Variants in CXADR observed in about 807,000 individuals in gnomAD.
CXADR encodes coxsackievirus and adenovirus receptor.
CXADR carries 20 observed loss-of-function variants against 40.3 expected under a neutral mutation model. The ratio of observed to expected loss-of-function variants is 0.50; its 90% CI spans 0.35 to 0.72. The LOEUF (loss-of-function observed/expected upper bound fraction) is 0.72, where lower values mean the gene tolerates loss of function less well. Among genes scored for constraint, CXADR ranks in the 30% least tolerant of loss-of-function variants. The pLI is 0.01. For missense variants in CXADR, 332 were observed against 449.1 expected (o/e 0.74, Z 2.36); for synonymous variants, 150 against 161.3 (o/e 0.93, Z 0.53).
intron 1 of CXADR, among the ~76,000 whole-genome samples, chr21:17,522,044 G>GTC (rs539781275): frequency 2.6e-5 from 4 of 151,942 alleles, no homozygotes; most frequent in East Asian, 1.9e-4. Context: ...TTGAGACAGT[G>GTC]TCTCTCTCTC....
chr21:17,554,268 A>G (rs1159318504), intron 3 of CXADR, among the ~76,000 whole-genome samples: 4 of 122,950 alleles, frequency 3.3e-5, no homozygotes. Context: ...ACATGTCCCA[A>G]AAAGGAACCT....
chr21:17,586,143 C>T (rs1016902454), intron 7 of CXADR, among the ~76,000 whole-genome samples: 1 of 151,990 alleles, frequency 6.6e-6, no homozygotes, highest in Non-Finnish European at 1.5e-5. Flanking sequence ...ATAGTTCCCT[C>T]GTCATTAGTG....
At chr21:17,543,232 A>T (rs1302151430) in intron 1 of CXADR, among the ~76,000 whole-genome samples, 1 of 152,244 alleles carries the variant, frequency 6.6e-6, no homozygotes, top group East Asian at 1.9e-4. Context: ...ACAATTTGAC[A>T]TATATCTTTT....
At chr21:17,603,792 A>C in the CXADR span, among the ~76,000 whole-genome samples, 3 of 152,124 alleles carry the variant, frequency 2.0e-5, no homozygotes, top group African/African-American at 7.2e-5. Context: ...CTCCCAGCTC[A>C]AGTATCACCT....
the CXADR span, among the ~76,000 whole-genome samples, chr21:17,603,476 T>C: frequency 6.6e-6 from 1 of 152,082 alleles, no homozygotes; most frequent in African/African-American, 2.4e-5. Context: ...TGACAAAATT[T>C]AATGGAAGAA....
the CXADR span, chr21:17,598,669 T>A: frequency 6.2e-7 from 1 of 1,614,038 alleles, no homozygotes; most frequent in Non-Finnish European, 8.5e-7. Context: ...CACTTCCATT[T>A]CCTTACTTGT....
At chr21:17,611,085 A>G in the CXADR span, among the ~76,000 whole-genome samples, 2 of 152,248 alleles carry the variant, frequency 1.3e-5, no homozygotes, top group Non-Finnish European at 2.9e-5. Flanking sequence ...ACACGTATAC[A>G]TAACCCCAGC....
At chr21:17,535,285 C>A (rs1048288879) in intron 1 of CXADR, among the ~76,000 whole-genome samples, 1 of 152,094 alleles carries the variant, frequency 6.6e-6, no homozygotes, top group African/African-American at 2.4e-5. Context: ...CACTACCACA[C>A]CTGGCTCATG....
At chr21:17,585,868 T>C (rs1192393055) in intron 7 of CXADR, among the ~76,000 whole-genome samples, 4 of 152,190 alleles carry the variant, frequency 2.6e-5, no homozygotes, top group Non-Finnish European at 5.9e-5. Flanking sequence ...AGAAAAATAA[T>C]TATAGTAAAG....
the CXADR span, among the ~76,000 whole-genome samples, chr21:17,633,657 G>T: frequency 6.6e-6 from 1 of 152,196 alleles, no homozygotes. Context: ...TAATTAGACA[G>T]CCTTTGTTCA....
chr21:17,623,849 C>A, the CXADR span, among the ~76,000 whole-genome samples: 1 of 152,148 alleles, frequency 6.6e-6, no homozygotes, highest in East Asian at 1.9e-4. Context: ...CTTGATTCAA[C>A]CTAATTTTCA....
At chr21:17,604,723 T>C in the CXADR span, 1 of 1,096,486 alleles carries the variant, frequency 9.1e-7, no homozygotes, top group Non-Finnish European at 1.2e-6. Context: ...GAAAAGTATT[T>C]CATAAAATTT....
At chr21:17,598,881 T>C in the CXADR span, 6 of 1,416,618 alleles carry the variant, frequency 4.2e-6, no homozygotes, top group Middle Eastern at 2.4e-4. Flanking sequence ...AAGCAAAAAA[T>C]GTCCATAAAA....
the CXADR span, among the ~76,000 whole-genome samples, chr21:17,632,732 G>T: frequency 2.8e-4 from 43 of 152,264 alleles, no homozygotes; most frequent in East Asian, 9.7e-4. Flanking sequence ...AGCCGGGCGT[G>T]GGGGCAGGCG....
intron 7 of CXADR, among the ~76,000 whole-genome samples, chr21:17,576,134 A>G (rs1047663645): frequency 3.3e-5 from 5 of 152,102 alleles, no homozygotes; most frequent in African/African-American, 4.8e-5. Context: ...AGGAGGAAAA[A>G]GAAACATGCC....
At position 17,569,787 on chromosome 21, in the gene CXADR, T is replaced by C. The variant is rs111336887; in HGVS notation, c.*4095T>C. Reference sequence around the variant, plus strand: ...ACTAAAAGCTCCATCAAAACAGAACTTTGTGTTTTCTGCTAACTTATTTAA... The same window carrying C: ...ACTAAAAGCTCCATCAAAACAGAACCTTGTGTTTTCTGCTAACTTATTTAA... On this transcript the variant is annotated 3_prime_UTR_variant, in exon 7 of 7. Coordinates refer to ENST00000284878, the MANE Select transcript of CXADR (RefSeq NM_001338.5). 2,987 of 985,262 alleles carry C rather than the reference T, an allele frequency of 3.0e-3. 49 individuals are homozygous for C. The African/African-American group carries it at 0.042, about 14-fold the overall frequency. The allele number at this position is 985,262 out of a possible 1,614,324, so 61.0% of individuals were successfully genotyped here.
chr21:17,570,170 C>T (rs1174015093), downstream of CXADR: 5 of 985,158 alleles, frequency 5.1e-6, no homozygotes, highest in African/African-American at 1.7e-5. Context: ...TATTTTATTC[C>T]TCCCTGCTTG....
At chr21:17,594,191 T>C, downstream of CXADR, 1 of 1,613,344 alleles carries the variant, frequency 6.2e-7, no homozygotes, top group Non-Finnish European at 8.5e-7. Context: ...CGATATGGTT[T>C]ATTTTTTCTT....
At position 17,566,159 on chromosome 21, in the gene CXADR, ATTAC is replaced by A. The variant is rs1301535557; in HGVS notation, c.*472_*475del. On this transcript the variant is annotated 3_prime_UTR_variant, in exon 7 of 7. Coordinates refer to ENST00000284878, the MANE Select transcript of CXADR (RefSeq NM_001338.5). ...TTAGTACAGAAATATCCATGACAAAATTACTTACGTATGTTTGTACTTGGTTTTA... is the reference window on the plus strand; with the variant it reads ...TTAGTACAGAAATATCCATGACAAAATTACGTATGTTTGTACTTGGTTTTA... The A allele has an allele frequency of 3.0e-6, 3 of 984,502 alleles. No homozygotes were observed. The highest frequency in any genetic ancestry group is 1.7e-5 in the African/African-American group (1 of 57,226). The allele number at this position is 984,502 out of a possible 1,614,324, so 61.0% of individuals were successfully genotyped here.
Sources: gnomAD v4.1 joint callset for allele counts (sites outside exome capture counted in the v4.1 genomes callset) on GRCh38, gnomAD v4.1.1 for gene constraint, MANE v1.5 for transcripts, NCBI Gene and HGNC (gene_info 2026-07-23, HGNC 2026-07-21) for gene names.